Variants in TBC1D15 observed in about 807,000 individuals in gnomAD.
TBC1D15 encodes GAP for RAB7.
A neutral mutation model predicts 95.4 loss-of-function variants in TBC1D15; 39 were observed. That is an observed-to-expected ratio of 0.41 (90% CI 0.32 to 0.53). The LOEUF is 0.53. TBC1D15 is among the 20% of genes least tolerant of loss of function. The pLI, the probability that TBC1D15 is intolerant of heterozygous loss-of-function variation, is 0.29. For synonymous variants in TBC1D15, 258 were observed against 261.3 expected (o/e 0.99, Z 0.12); for missense variants, 733 against 794.3 (o/e 0.92, Z 0.93).
chr12:71,869,115 A>ATTTT (rs1315144152), intron 1 of TBC1D15, among the ~76,000 whole-genome samples: 6 of 152,232 alleles, frequency 3.9e-5, no homozygotes, highest in Non-Finnish European at 8.8e-5. Flanking sequence ...TGACAACAGC[A>ATTTT]GCTAAAATCT....
At chr12:71,844,740 G>T (rs1266572581) in intron 1 of TBC1D15, among the ~76,000 whole-genome samples, 2 of 152,202 alleles carry the variant, frequency 1.3e-5, no homozygotes, top group African/African-American at 2.4e-5. Context: ...GGCGTTTACT[G>T]TATATTTATT....
At chr12:71,889,797 C>T (rs966031013) in intron 5 of TBC1D15, among the ~76,000 whole-genome samples, 11 of 152,156 alleles carry the variant, frequency 7.2e-5, no homozygotes, top group Non-Finnish European at 2.9e-5. Flanking sequence ...CTCCCACTTT[C>T]CACCCTCAAG....
chr12:71,906,474 A>G (rs1354238377), intron 10 of TBC1D15, among the ~76,000 whole-genome samples: 2 of 152,190 alleles, frequency 1.3e-5, no homozygotes, highest in African/African-American at 4.8e-5. Context: ...CCAACTTATA[A>G]TGACATCTAA....
intron 1 of TBC1D15, among the ~76,000 whole-genome samples, chr12:71,871,815 A>G (rs543170964): frequency 6.6e-6 from 1 of 152,368 alleles, no homozygotes; most frequent in African/African-American, 2.4e-5. Flanking sequence ...TCTTTGTTTA[A>G]GTAGAAGATC....
intron 3 of TBC1D15, among the ~76,000 whole-genome samples, chr12:71,874,384 T>TA: frequency 6.6e-6 from 1 of 152,322 alleles, no homozygotes; most frequent in Non-Finnish European, 1.5e-5. Context: ...ATGTGGTGTA[T>TA]ACACTGTCTT....
chr12:71,876,901 C>G (rs1010738815), intron 3 of TBC1D15, among the ~76,000 whole-genome samples: 1 of 151,514 alleles, frequency 6.6e-6, no homozygotes, highest in African/African-American at 2.4e-5. Flanking sequence ...ACCTCTGCCT[C>G]CTGGATTCAG....
chr12:71,893,192 A>G, intron 5 of TBC1D15, 30 bp from the exon 6 acceptor site: 3 of 1,428,410 alleles, frequency 2.1e-6, no homozygotes, highest in Non-Finnish European at 2.9e-6. Context: ...GTGTGTTAGT[A>G]TTTTCTACAA....
intron 5 of TBC1D15, among the ~76,000 whole-genome samples, chr12:71,890,048 G>A (rs912684018): frequency 2.6e-5 from 4 of 152,028 alleles, no homozygotes; most frequent in Admixed American, 6.6e-5. Context: ...ACCACTGATG[G>A]GCGTTTATGT....
In TBC1D15 at chr12:71,880,638, T is replaced by G. The variant is rs767431482; in HGVS notation, c.343+31T>G. ...AATTAAATCTTTTGAAATCTTAAAC[T>G]GATTTGCTACAGTATACTAATAAAC... On this transcript the variant is annotated intron_variant, in intron 4 of 16. Transcript: ENST00000485960. 3 of 1,584,990 alleles carry G rather than the reference T, an allele frequency of 1.9e-6. No individual in the cohort carries two copies. In the East Asian group the frequency reaches 6.7e-5, roughly 36 times the overall value.
intron 5 of TBC1D15, 30 bp from the exon 6 acceptor site, chr12:71,893,192 A>T: frequency 7.0e-7 from 1 of 1,428,336 alleles, no homozygotes. Flanking sequence ...GTGTGTTAGT[A>T]TTTTCTACAA....
In TBC1D15 at chr12:71,911,830, A is replaced by T. The variant is rs113103351; in HGVS notation, c.1301-1996A>T. ...ATAGATTAAAGGCAACCAGAACATG[A>T]AGATTAATTTGACAACTTGCTTCAG... On this transcript the variant is annotated intron_variant, in intron 11 of 16. Transcript: ENST00000485960. 2.5e-3 allele frequency among the ~76,000 whole-genome samples: 380 copies of T among 152,232 alleles called. 1 individual carries two copies. The highest frequency in any genetic ancestry group is 8.7e-3 in the African/African-American group (361 of 41,552).
chr12:71,868,387 A>G (rs1891941526), intron 1 of TBC1D15, among the ~76,000 whole-genome samples: 1 of 152,050 alleles, frequency 6.6e-6, no homozygotes. Flanking sequence ...CTGGGACTAC[A>G]GGCACCCGCC....
chr12:71,902,762 A>T (rs1741007205), intron 10 of TBC1D15, among the ~76,000 whole-genome samples: 2 of 152,234 alleles, frequency 1.3e-5, no homozygotes, highest in African/African-American at 4.8e-5. Context: ...ACAGCAAAAG[A>T]AACTATCAAT....
At chr12:71,863,630 T>C (rs1890857284) in intron 1 of TBC1D15, among the ~76,000 whole-genome samples, 1 of 152,198 alleles carries the variant, frequency 6.6e-6, no homozygotes, top group Admixed American at 6.5e-5. Context: ...TTTCTATACC[T>C]TTTCTTGTCT....
At chr12:71,887,478 A>T (rs1057283787) in intron 5 of TBC1D15, among the ~76,000 whole-genome samples, 6 of 152,230 alleles carry the variant, frequency 3.9e-5, no homozygotes, top group Non-Finnish European at 5.9e-5. Context: ...TTTATCTCTT[A>T]AAACTCATCT....
chr12:71,894,492 A>G (rs1897803021), intron 6 of TBC1D15, 194 bp from the exon 7 acceptor site: 1 of 1,263,326 alleles, frequency 7.9e-7, no homozygotes, highest in African/African-American at 1.5e-5. Context: ...ATTTTAACCA[A>G]ATGAAATGAT....
At chr12:71,886,617 C>G (rs1342065778) in intron 5 of TBC1D15, among the ~76,000 whole-genome samples, 1 of 152,182 alleles carries the variant, frequency 6.6e-6, no homozygotes, top group Non-Finnish European at 1.5e-5. Flanking sequence ...ATTTTCTGGC[C>G]TGAGATTCTC....
intron 13 of TBC1D15, 70 bp downstream of exon 13, chr12:71,917,867 T>C (rs1462125230): frequency 9.3e-7 from 1 of 1,074,464 alleles, no homozygotes; most frequent in Non-Finnish European, 1.4e-6. Flanking sequence ...TGTAAAGAAC[T>C]CTTTAAAGAA....
intron 1 of TBC1D15, among the ~76,000 whole-genome samples, chr12:71,853,191 C>T (rs328780): frequency 0.027 from 4,090 of 152,216 alleles, 186 homozygotes; most frequent in African/African-American, 0.092. Flanking sequence ...GCCAACACTT[C>T]ACATAGAGCA....
Sources: gnomAD v4.1 joint callset for allele counts (sites outside exome capture counted in the v4.1 genomes callset) on GRCh38, gnomAD v4.1.1 for gene constraint, MANE v1.5 for transcripts, NCBI Gene and HGNC (gene_info 2026-07-23, HGNC 2026-07-21) for gene names.